Variants in EDA observed in about 807,000 individuals in gnomAD.
EDA encodes ectodysplasin-A.
In EDA, 2 loss-of-function variants were observed where a neutral mutation model predicts 23.6. The ratio of observed to expected loss-of-function variants is 0.08; its 90% CI spans 0.03 to 0.27. The LOEUF (loss-of-function observed/expected upper bound fraction) is 0.27, where lower values mean the gene tolerates loss of function less well. Among genes scored for constraint, EDA ranks in the 10% least tolerant of loss-of-function variants. EDA has a pLI of 1.00. For missense variants in EDA, 229 were observed against 324.2 expected, an observed-to-expected ratio of 0.71 and a Z score of 2.26; for synonymous variants, 131 against 132.0, an observed-to-expected ratio of 0.99 and a Z score of 0.05.
chrX:69,677,069 A>C (rs1296110077), intron 1 of EDA, among the ~76,000 whole-genome samples: 2 of 95,549 alleles, frequency 2.1e-5, no homozygotes, highest in Non-Finnish European at 4.2e-5. Context: ...ATGAGTGAGA[A>C]TATGCGGTGT....
intron 1 of EDA, among the ~76,000 whole-genome samples, chrX:69,822,467 A>C (rs141485997): frequency 3.8e-4 from 42 of 111,311 alleles, no homozygotes; most frequent in African/African-American, 1.3e-3. Flanking sequence ...TCAGTGCTAG[A>C]GAAGAGCATT....
intron 1 of EDA, among the ~76,000 whole-genome samples, chrX:69,913,325 T>C (rs2018295381): frequency 8.9e-6 from 1 of 112,450 alleles, no homozygotes; most frequent in African/African-American, 3.2e-5. Flanking sequence ...CTTGGCTAGA[T>C]TTTTCTGGAT....
Position 69,810,373 on chromosome X carries a change from A to G in EDA, c.397-146654A>G, listed in dbSNP as rs560499910. On this transcript the variant is annotated intron_variant, in intron 1 of 7. Coordinates refer to ENST00000374552, the MANE Select transcript of EDA (RefSeq NM_001399.5). ...GAGAGAGTCCTCTCTCCCTGCTCAT[A>G]TTTATAAGTTTCTTCCTCCAGAGAG... Among the ~76,000 whole-genome samples the G allele has an allele frequency of 4.0e-5, 4 of 99,946 alleles. No individual in the cohort carries two copies. In the South Asian group the frequency reaches 2.0e-3, roughly 51 times the overall value. The allele number at this position is 99,946 out of a possible 115,157, so 86.8% of individuals were successfully genotyped here.
intron 3 of EDA, among the ~76,000 whole-genome samples, chrX:70,025,310 T>C (rs1163806824): frequency 9.0e-6 from 1 of 111,464 alleles, no homozygotes; most frequent in Non-Finnish European, 1.9e-5. Flanking sequence ...CAGAACACCC[T>C]CTAGCTTGAA....
At chrX:69,944,096 G>T (rs777572999) in intron 1 of EDA, among the ~76,000 whole-genome samples, 1 of 110,993 alleles carries the variant, frequency 9.0e-6, no homozygotes, top group South Asian at 3.9e-4. Context: ...GCCCAGGACA[G>T]GTCCAGAAAT....
intron 2 of EDA, among the ~76,000 whole-genome samples, chrX:69,960,363 C>T (rs1488786399): frequency 9.0e-6 from 1 of 111,087 alleles, no homozygotes; most frequent in African/African-American, 3.3e-5. Flanking sequence ...GGGTTTTGGA[C>T]TTCAGGAACT....
intron 1 of EDA, among the ~76,000 whole-genome samples, chrX:69,923,980 T>C (rs2018474806): frequency 9.0e-6 from 1 of 111,599 alleles, no homozygotes; most frequent in South Asian, 3.7e-4. Context: ...CTTTTGAGAA[T>C]TGTCTGTTCA....
intron 1 of EDA, among the ~76,000 whole-genome samples, chrX:69,739,003 T>C (rs1430897284): frequency 9.0e-6 from 1 of 111,423 alleles, no homozygotes; most frequent in African/African-American, 3.2e-5. Context: ...CTGTAAGGTA[T>C]ATTTGGTTTA....
At chrX:69,937,091 A>C in intron 1 of EDA, 10 of 721,278 alleles carry the variant, frequency 1.4e-5, no homozygotes, top group Non-Finnish European at 2.1e-5. Context: ...GGATTCAACC[A>C]GAGATAAAAC....
intron 1 of EDA, among the ~76,000 whole-genome samples, chrX:69,745,402 A>G (rs1487641027): frequency 9.0e-6 from 1 of 111,728 alleles, no homozygotes; most frequent in African/African-American, 3.3e-5. Context: ...AGTTGATAGT[A>G]CTTGGGATTA....
chrX:69,632,788 T>C (rs1335573175), intron 1 of EDA, among the ~76,000 whole-genome samples: 1 of 112,252 alleles, frequency 8.9e-6, no homozygotes, highest in Non-Finnish European at 1.9e-5. Context: ...AGAGGAAATG[T>C]GTTCCTTTGG....
chrX:69,670,313 T>C (rs1452968235), intron 1 of EDA: 1 of 375,046 alleles, frequency 2.7e-6, no homozygotes, highest in Non-Finnish European at 4.6e-6. Context: ...TTGACATTTT[T>C]CTCTTGCTGG....
intron 1 of EDA, among the ~76,000 whole-genome samples, chrX:69,783,826 C>CAAAT (rs1374235482): frequency 9.5e-6 from 1 of 105,298 alleles, no homozygotes; most frequent in Non-Finnish European, 2.0e-5. Flanking sequence ...ATGACTGGGT[C>CAAAT]AAATGGTATT....
chrX:69,640,394 A>AT (rs1369358877), intron 1 of EDA, among the ~76,000 whole-genome samples: 3 of 111,807 alleles, frequency 2.7e-5, no homozygotes, highest in African/African-American at 9.7e-5. Flanking sequence ...AATGTTAGTT[A>AT]TTTAACTTAT....
intron 1 of EDA, among the ~76,000 whole-genome samples, chrX:69,832,767 T>C (rs2016651176): frequency 9.0e-6 from 1 of 111,489 alleles, no homozygotes; most frequent in Non-Finnish European, 1.9e-5. Flanking sequence ...CCCTTGTAAG[T>C]TGGATTCCTA....
At chrX:69,999,434 G>A (rs1208966348) in intron 2 of EDA, among the ~76,000 whole-genome samples, 1 of 109,852 alleles carries the variant, frequency 9.1e-6, no homozygotes, top group African/African-American at 3.3e-5. Context: ...CCAATATGGT[G>A]AAACCCCATC....
At chrX:69,695,150 T>A (rs1022165293) in intron 1 of EDA, among the ~76,000 whole-genome samples, 1 of 110,995 alleles carries the variant, frequency 9.0e-6, no homozygotes, top group African/African-American at 3.3e-5. Flanking sequence ...CAAAACCCTA[T>A]CTCTACTAAA....
At chrX:70,012,807 A>G (rs2019895183) in intron 2 of EDA, among the ~76,000 whole-genome samples, 1 of 109,920 alleles carries the variant, frequency 9.1e-6, no homozygotes, top group African/African-American at 3.3e-5. Context: ...TTCCTCACTG[A>G]GCAAGGCCTC....
At chrX:69,738,624 T>G (rs1313090163) in intron 1 of EDA, among the ~76,000 whole-genome samples, 1 of 108,578 alleles carries the variant, frequency 9.2e-6, no homozygotes, top group Non-Finnish European at 1.9e-5. Flanking sequence ...TATATACATT[T>G]ACAGCTGTAA....
Sources: gnomAD v4.1 joint callset for allele counts (sites outside exome capture counted in the v4.1 genomes callset) on GRCh38, gnomAD v4.1.1 for gene constraint, MANE v1.5 for transcripts, NCBI Gene and HGNC (gene_info 2026-07-23, HGNC 2026-07-21) for gene names.